MAGI1: variants seen among roughly 807,000 people sequenced by gnomAD.
MAGI1 encodes membrane associated guanylate kinase, WW and PDZ domain containing 1.
Under a neutral mutation model 139.9 loss-of-function variants are expected in MAGI1, and 58 were observed. The observed-to-expected ratio is 0.41, with a 90% CI of 0.34 to 0.52. The LOEUF is 0.52. Ranked by LOEUF, MAGI1 falls within the 20% of genes least tolerant of loss-of-function variation. The probability of loss-of-function intolerance (pLI) is 0.12; values close to 1 mark genes in which losing one functional copy is unlikely to be tolerated. For synonymous variants in MAGI1, 812 were observed against 737.9 expected, an observed-to-expected ratio of 1.10 and a Z score of -1.63; for missense variants, 1,874 against 1,901.6, an observed-to-expected ratio of 0.99 and a Z score of 0.27.
intron 2 of MAGI1, among the ~76,000 whole-genome samples, chr3:65,497,353 T>C (rs554846955): frequency 1.7e-4 from 26 of 152,198 alleles, no homozygotes; most frequent in South Asian, 1.7e-3. Flanking sequence ...GCCAGCAAGA[T>C]AGGAGCAAAG....
intron 1 of MAGI1, among the ~76,000 whole-genome samples, chr3:65,865,795 T>C (rs2059704822): frequency 6.6e-6 from 1 of 152,146 alleles, no homozygotes; most frequent in Non-Finnish European, 1.5e-5. Context: ...CATTCGCCAC[T>C]ACACCCAGCT....
At chr3:65,913,225 T>G (rs924892768) in intron 1 of MAGI1, among the ~76,000 whole-genome samples, 1 of 152,192 alleles carries the variant, frequency 6.6e-6, no homozygotes, top group South Asian at 2.1e-4. Context: ...GATTGTGCCA[T>G]TGAACTCCAG....
At chr3:65,915,761 G>A (rs1312940259) in intron 1 of MAGI1, among the ~76,000 whole-genome samples, 1 of 151,952 alleles carries the variant, frequency 6.6e-6, no homozygotes, top group Admixed American at 6.6e-5. Flanking sequence ...TGACTATCAG[G>A]TAACTAATGG....
At chr3:65,934,497 T>C (rs1481301593) in intron 1 of MAGI1, among the ~76,000 whole-genome samples, 1 of 152,210 alleles carries the variant, frequency 6.6e-6, no homozygotes, top group Non-Finnish European at 1.5e-5. Flanking sequence ...TCTTTAACCA[T>C]CTATTTTATA....
At chr3:66,025,879 A>C (rs1483638140) in intron 1 of MAGI1, among the ~76,000 whole-genome samples, 2 of 152,220 alleles carry the variant, frequency 1.3e-5, no homozygotes, top group African/African-American at 4.8e-5. Flanking sequence ...AAAATACATA[A>C]GCTGTGGAAT....
At chr3:65,519,282 T>C (rs929698877) in intron 2 of MAGI1, among the ~76,000 whole-genome samples, 8 of 151,652 alleles carry the variant, frequency 5.3e-5, no homozygotes, top group African/African-American at 1.9e-4. Context: ...TTGTATCTTA[T>C]GAGGAAGATG....
intron 1 of MAGI1, among the ~76,000 whole-genome samples, chr3:65,673,759 T>C (rs2087007343): frequency 6.6e-6 from 1 of 152,242 alleles, no homozygotes; most frequent in Non-Finnish European, 1.5e-5. Flanking sequence ...CTATAACATG[T>C]GGGCACAGAG....
At chr3:65,920,192 T>C (rs1181142894) in intron 1 of MAGI1, among the ~76,000 whole-genome samples, 1 of 152,164 alleles carries the variant, frequency 6.6e-6, no homozygotes, top group African/African-American at 2.4e-5. Context: ...CATTTACACA[T>C]ATTAGCCATC....
At chr3:65,403,280 G>C (rs1217091543) in intron 12 of MAGI1, among the ~76,000 whole-genome samples, 1 of 152,124 alleles carries the variant, frequency 6.6e-6, no homozygotes, top group African/African-American at 2.4e-5. Flanking sequence ...CATTCAGAAA[G>C]GAAGTGGTAT....
intron 2 of MAGI1, among the ~76,000 whole-genome samples, chr3:65,510,341 C>T (rs367982181): frequency 2.0e-5 from 3 of 151,874 alleles, no homozygotes; most frequent in Admixed American, 6.6e-5. Flanking sequence ...AGGCTTCAGA[C>T]GATCAAATTA....
chr3:65,769,178 A>G (rs1485040057), intron 1 of MAGI1, among the ~76,000 whole-genome samples: 1 of 152,240 alleles, frequency 6.6e-6, no homozygotes, highest in Non-Finnish European at 1.5e-5. Flanking sequence ...TTTTCTGATG[A>G]CAAAAATAAA....
chr3:65,788,247 T>C (rs2039527598), intron 1 of MAGI1, among the ~76,000 whole-genome samples: 1 of 152,258 alleles, frequency 6.6e-6, no homozygotes, highest in Non-Finnish European at 1.5e-5. Flanking sequence ...AAATGCAGTT[T>C]GTCCTGGGAA....
At chr3:65,666,756 A>G (rs562628485) in intron 1 of MAGI1, among the ~76,000 whole-genome samples, 12 of 152,222 alleles carry the variant, frequency 7.9e-5, no homozygotes, top group Non-Finnish European at 1.6e-4. Context: ...CCATCTCCAC[A>G]TTCTGATGAA....
At chr3:65,575,996 A>T (rs1332049902) in intron 2 of MAGI1, among the ~76,000 whole-genome samples, 4 of 152,174 alleles carry the variant, frequency 2.6e-5, no homozygotes, top group Non-Finnish European at 4.4e-5. Context: ...TGCTGGTTTT[A>T]TGGGTATATG....
At chr3:65,885,958 T>C (rs886366022) in intron 1 of MAGI1, among the ~76,000 whole-genome samples, 3 of 152,226 alleles carry the variant, frequency 2.0e-5, no homozygotes, top group Non-Finnish European at 2.9e-5. Context: ...CATAATACTA[T>C]TTAAAAATCA....
At chr3:65,507,359 C>CA (rs1184896105) in intron 2 of MAGI1, among the ~76,000 whole-genome samples, 1 of 152,168 alleles carries the variant, frequency 6.6e-6, no homozygotes, top group Non-Finnish European at 1.5e-5. Context: ...CTCAAACATT[C>CA]AAAAAGTGTC....
At chr3:65,992,913 T>A (rs1393982720) in intron 1 of MAGI1, among the ~76,000 whole-genome samples, 1 of 152,040 alleles carries the variant, frequency 6.6e-6, no homozygotes, top group Non-Finnish European at 1.5e-5. Context: ...GCAGCCTCAA[T>A]CTCCTGGGTC....
At chr3:65,453,163 A>G (rs1245153961) in intron 6 of MAGI1, 95 bp downstream of exon 6, 2 of 1,066,382 alleles carry the variant, frequency 1.9e-6, no homozygotes, top group Non-Finnish European at 2.9e-6. Context: ...AAAACTCAAC[A>G]TAAGACCCGA....
chr3:65,672,144 T>C (rs1056722969), intron 1 of MAGI1, among the ~76,000 whole-genome samples: 1 of 152,140 alleles, frequency 6.6e-6, no homozygotes, highest in Non-Finnish European at 1.5e-5. Flanking sequence ...AAACCTTGAC[T>C]CCAAATGACA....
Sources: gnomAD v4.1 joint callset for allele counts (sites outside exome capture counted in the v4.1 genomes callset) on GRCh38, gnomAD v4.1.1 for gene constraint, MANE v1.5 for transcripts, NCBI Gene and HGNC (gene_info 2026-07-23, HGNC 2026-07-21) for gene names.